IFNGR2: variants seen among roughly 807,000 people sequenced by gnomAD.
The protein encoded by IFNGR2 is interferon gamma receptor 2.
IFNGR2 carries 15 observed loss-of-function variants against 41.1 expected under a neutral mutation model. The observed-to-expected ratio is 0.37, with a 90% CI of 0.24 to 0.56. The LOEUF (loss-of-function observed/expected upper bound fraction) is 0.56, where lower values mean the gene tolerates loss of function less well. IFNGR2 is among the 20% of genes least tolerant of loss of function. IFNGR2 has a pLI of 0.81. For missense variants in IFNGR2, 362 were observed against 415.7 expected (o/e 0.87, Z 1.12); for synonymous variants, 161 against 171.6 (o/e 0.94, Z 0.48).
At chr21:33,432,443 C>A in intron 5 of IFNGR2, 107 bp downstream of exon 5, 2 of 1,126,458 alleles carry the variant, frequency 1.8e-6, no homozygotes, top group Non-Finnish European at 2.7e-6. Flanking sequence ...GTGGGGAGAC[C>A]CAGTGAGAAG....
intron 1 of IFNGR2, among the ~76,000 whole-genome samples, chr21:33,403,818 C>T (rs1024888980): frequency 6.6e-6 from 1 of 152,038 alleles, no homozygotes; most frequent in Non-Finnish European, 1.5e-5. Flanking sequence ...GGGGGTCTTG[C>T]GGGGTGCCCA....
At chr21:33,434,849 G>T (rs188994033) in intron 6 of IFNGR2, among the ~76,000 whole-genome samples, 46 of 152,070 alleles carry the variant, frequency 3.0e-4, no homozygotes, top group Non-Finnish European at 1.0e-4. Flanking sequence ...CTCTCTCCTG[G>T]TAGAACTACC....
At chr21:33,436,558 A>G (rs1463344379) in intron 6 of IFNGR2, among the ~76,000 whole-genome samples, 1 of 152,012 alleles carries the variant, frequency 6.6e-6, no homozygotes, top group Non-Finnish European at 1.5e-5. Flanking sequence ...CCCTGTCTCT[A>G]CTAAAAATAC....
At chr21:33,404,010 C>T (rs960858432) in intron 1 of IFNGR2, among the ~76,000 whole-genome samples, 1 of 152,216 alleles carries the variant, frequency 6.6e-6, no homozygotes, top group East Asian at 1.9e-4. Context: ...ACCTCGGCTG[C>T]GCCACCTCCC....
chr21:33,419,141 T>C (rs1488785741), intron 2 of IFNGR2, among the ~76,000 whole-genome samples: 1 of 152,234 alleles, frequency 6.6e-6, no homozygotes, highest in Non-Finnish European at 1.5e-5. Flanking sequence ...AGTCTTACTC[T>C]GTTGCCCAGG....
In IFNGR2 at chr21:33,414,468, C is replaced by T. The variant is rs115738605; in HGVS notation, c.74-420C>T. On this transcript the variant is annotated intron_variant, in intron 1 of 6. Coordinates refer to ENST00000290219, the MANE Select transcript of IFNGR2 (RefSeq NM_005534.4). ...GTCACATGATCACCACGTTAATCTT[C>T]GCCACAGCCCTGTGGGTGTATCATT... Among the ~76,000 whole-genome samples the T allele has an allele frequency of 5.9e-3, 896 of 152,318 alleles. 4 individuals are homozygous for T. Among genetic ancestry groups the T allele is most frequent in the African/African-American group, 0.021 (852 of 41,554 alleles).
At chr21:33,429,888 C>T (rs1436118188) in intron 4 of IFNGR2, among the ~76,000 whole-genome samples, 1 of 152,168 alleles carries the variant, frequency 6.6e-6, no homozygotes, top group Non-Finnish European at 1.5e-5. Context: ...CCTGTAATCC[C>T]AGCACTTTGG....
chr21:33,427,728 A>G (rs987303996), intron 4 of IFNGR2, among the ~76,000 whole-genome samples: 1 of 152,090 alleles, frequency 6.6e-6, no homozygotes, highest in African/African-American at 2.4e-5. Flanking sequence ...TGGGAACTTC[A>G]TGATTTCCTA....
chr21:33,425,354 T>C (rs536920889), intron 3 of IFNGR2, among the ~76,000 whole-genome samples: 3 of 152,282 alleles, frequency 2.0e-5, no homozygotes, highest in South Asian at 2.1e-4. Flanking sequence ...AGGAGGCAGA[T>C]TGTTCTCGCC....
chr21:33,426,646 G>A (rs1432745386), intron 3 of IFNGR2, among the ~76,000 whole-genome samples: 1 of 151,910 alleles, frequency 6.6e-6, no homozygotes, highest in Non-Finnish European at 1.5e-5. Flanking sequence ...CTTGAGCCCG[G>A]GAGGTGGAGG....
At chr21:33,411,392 G>A (rs1055817347) in intron 1 of IFNGR2, 1 of 469,070 alleles carries the variant, frequency 2.1e-6, no homozygotes, top group East Asian at 7.0e-5. Flanking sequence ...AACTAGAGGT[G>A]CCCGGAAAGG....
intron 1 of IFNGR2, 146 bp downstream of exon 1, chr21:33,403,762 T>G: frequency 2.2e-6 from 1 of 460,462 alleles, no homozygotes; most frequent in Non-Finnish European, 3.3e-6. Flanking sequence ...GTGGGTGGGA[T>G]ATGCGGAGTG....
At chr21:33,430,413 T>C (rs2083875870) in intron 4 of IFNGR2, among the ~76,000 whole-genome samples, 1 of 152,234 alleles carries the variant, frequency 6.6e-6, no homozygotes, top group Non-Finnish European at 1.5e-5. Flanking sequence ...CTATTATTCA[T>C]AGATCATACA....
At chr21:33,431,534 C>T (rs1012981856) in intron 4 of IFNGR2, among the ~76,000 whole-genome samples, 4 of 152,056 alleles carry the variant, frequency 2.6e-5, no homozygotes, top group African/African-American at 7.2e-5. Context: ...CGCACCATTG[C>T]GGTCCAGCCT....
At chr21:33,417,277 A>G (rs2083761006) in intron 2 of IFNGR2, among the ~76,000 whole-genome samples, 1 of 151,938 alleles carries the variant, frequency 6.6e-6, no homozygotes, top group African/African-American at 2.4e-5. Context: ...TTTTGAAGAG[A>G]TGGGGTTTTG....
intron 4 of IFNGR2, among the ~76,000 whole-genome samples, chr21:33,427,877 C>T (rs1253125742): frequency 1.1e-4 from 9 of 81,866 alleles, no homozygotes; most frequent in African/African-American, 1.3e-4. Context: ...GCTGGAGTTT[C>T]GCTCTTGATG....
chr21:33,426,790 T>C (rs940571580), intron 3 of IFNGR2, 94 bp from the exon 4 acceptor site: 5 of 659,526 alleles, frequency 7.6e-6, no homozygotes, highest in Admixed American at 2.9e-5. Context: ...TATATATATA[T>C]ATACATATAT....
At chr21:33,432,640 T>C in intron 5 of IFNGR2, 74 bp from the exon 6 acceptor site, 4 of 1,516,268 alleles carry the variant, frequency 2.6e-6, no homozygotes, top group Admixed American at 1.7e-5. Context: ...TTAAGCAGCA[T>C]GGATGGAACA....
At chr21:33,423,188 C>T (rs1199260034) in intron 3 of IFNGR2, among the ~76,000 whole-genome samples, 4 of 151,148 alleles carry the variant, frequency 2.6e-5, no homozygotes, top group Admixed American at 6.6e-5. Flanking sequence ...TACAGGCGCC[C>T]GCCACCACAC....
Sources: allele counts gnomAD v4.1 joint callset (sites outside exome capture counted in the v4.1 genomes callset), GRCh38; gene constraint gnomAD v4.1.1; transcripts MANE v1.5; gene names NCBI Gene and HGNC (gene_info 2026-07-23, HGNC 2026-07-21).